The following SPPL2A variants were observed in gnomAD, a reference collection of about 807,000 sequenced individuals.
The protein encoded by SPPL2A is signal peptide peptidase-like 2A.
In SPPL2A, 51 loss-of-function variants were observed where a neutral mutation model predicts 63.8. The ratio of observed to expected loss-of-function variants is 0.80; its 90% CI spans 0.64 to 1.01. The LOEUF (loss-of-function observed/expected upper bound fraction) is 1.01, where lower values mean the gene tolerates loss of function less well. Ranked by LOEUF, SPPL2A falls within the 50% of genes least tolerant of loss-of-function variation. The probability of loss-of-function intolerance (pLI) is 0.00; values close to 1 mark genes in which losing one functional copy is unlikely to be tolerated. For missense variants in SPPL2A, 553 were observed against 622.7 expected, an observed-to-expected ratio of 0.89 and a Z score of 1.19; for synonymous variants, 188 against 205.8, an observed-to-expected ratio of 0.91 and a Z score of 0.74.
At chr15:50,742,713 C>G (rs1382901580) in intron 5 of SPPL2A, 1 of 152,088 alleles carries the variant, frequency 6.6e-6, no homozygotes, top group Non-Finnish European at 1.5e-5. Context: ...CTTTATTTTG[C>G]TCTTAGAATC....
chr15:50,749,954 G>A (rs2414066), intron 1 of SPPL2A: 19,175 of 565,030 alleles, frequency 0.034, 2,971 homozygotes, highest in African/African-American at 0.33. Context: ...CCTTCTTTAA[G>A]GAAGATAGGT....
chr15:50,751,747 T>G lies in SPPL2A; in HGVS notation c.67-2001A>C, dbSNP rs917686626. ...CTAAATTTAATTTCCCATATCATACTAGGGATTACAAAATGGTGAATTTTT... is the reference window on the plus strand; with the variant it reads ...CTAAATTTAATTTCCCATATCATACGAGGGATTACAAAATGGTGAATTTTT... On this transcript the variant is annotated intron_variant, in intron 1 of 14. Coordinates refer to ENST00000261854, the MANE Select transcript of SPPL2A (RefSeq NM_032802.4). Among the ~76,000 whole-genome samples, 4 of 152,224 alleles carry G rather than the reference T, an allele frequency of 2.6e-5. No homozygotes were observed. The East Asian group carries it at 7.7e-4, about 29-fold the overall frequency.
intron 1 of SPPL2A, 167 bp from the exon 2 acceptor site, chr15:50,749,913 A>G (rs1410917415): frequency 3.3e-6 from 2 of 605,762 alleles, no homozygotes; most frequent in East Asian, 2.8e-5. Flanking sequence ...ATGGTTAGGA[A>G]TATTAAAACT....
At chr15:50,713,292 A>T (rs1418235457) in intron 14 of SPPL2A, among the ~76,000 whole-genome samples, 1 of 147,214 alleles carries the variant, frequency 6.8e-6, no homozygotes, top group African/African-American at 2.5e-5. Context: ...TTTGAGATAG[A>T]GTCTTGCTGT....
At chr15:50,754,271 A>T (rs1304749145) in intron 1 of SPPL2A, among the ~76,000 whole-genome samples, 2 of 152,144 alleles carry the variant, frequency 1.3e-5, no homozygotes, top group African/African-American at 4.8e-5. Context: ...CTCCATTGAC[A>T]CATCGTCATC....
intron 1 of SPPL2A, among the ~76,000 whole-genome samples, chr15:50,762,043 G>A (rs1028108060): frequency 6.6e-6 from 1 of 152,044 alleles, no homozygotes; most frequent in Non-Finnish European, 1.5e-5. Context: ...ACCCAGGGTC[G>A]AGGTTGAACT....
chr15:50,752,544 C>A (rs1017976680), intron 1 of SPPL2A, among the ~76,000 whole-genome samples: 1 of 151,978 alleles, frequency 6.6e-6, no homozygotes, highest in African/African-American at 2.4e-5. Flanking sequence ...ATGGTGAAAC[C>A]CTGTCTGTAC....
chr15:50,749,139 A>G (rs545970324), intron 2 of SPPL2A, among the ~76,000 whole-genome samples: 2 of 152,064 alleles, frequency 1.3e-5, no homozygotes, highest in Non-Finnish European at 2.9e-5. Context: ...TCACTTCTTC[A>G]ATATTTTTTC....
intron 13 of SPPL2A, among the ~76,000 whole-genome samples, chr15:50,721,745 C>T (rs1423784028): frequency 1.3e-5 from 2 of 152,010 alleles, no homozygotes; most frequent in Non-Finnish European, 2.9e-5. Flanking sequence ...GCTGGGACTA[C>T]AGGTGCGTGC....
chr15:50,753,911 C>T (rs1030551526), intron 1 of SPPL2A, among the ~76,000 whole-genome samples: 18 of 152,130 alleles, frequency 1.2e-4, no homozygotes, highest in Non-Finnish European at 5.9e-5. Flanking sequence ...ATTGTCCTGC[C>T]TCAGCCTCCT....
At chr15:50,727,870 G>A (rs1359608525) in intron 10 of SPPL2A, among the ~76,000 whole-genome samples, 2 of 152,192 alleles carry the variant, frequency 1.3e-5, no homozygotes, top group Admixed American at 6.5e-5. Context: ...ATCTACAGCA[G>A]TGAACTCCAA....
Position 50,739,778 on chromosome 15 carries a change from T to G in SPPL2A, c.635A>C (p.Lys212Thr). ...TTEDREMRKK[K>T]EEYLTFSPLT... The stretch of plus-strand genomic sequence containing the variant: ...AGGACTAAAAGTTAAATATTCTTCC[T>G]TCTTTTTCCTCATTTCTCTATCTTC... Residue 212 changes from lysine to threonine, a missense_variant, in exon 6 of 15, where the codon AAG becomes ACG. Transcript: ENST00000261854. The G allele has an allele frequency of 6.2e-7, 1 of 1,605,618 alleles. No individual in the cohort carries two copies. The highest frequency in any genetic ancestry group is 1.1e-5 in the South Asian group (1 of 89,734).
chr15:50,748,580 G>T, intron 3 of SPPL2A, 108 bp downstream of exon 3: 1 of 704,584 alleles, frequency 1.4e-6, no homozygotes, highest in South Asian at 2.1e-5. Flanking sequence ...CTTGCCATCA[G>T]ATCATTCAAA....
chr15:50,730,147 T>C (rs1423121457), intron 10 of SPPL2A, among the ~76,000 whole-genome samples: 1 of 152,140 alleles, frequency 6.6e-6, no homozygotes, highest in Non-Finnish European at 1.5e-5. Flanking sequence ...ATTATATTCA[T>C]GAGACAGGAA....
At chr15:50,730,829 A>C (rs2062724348) in intron 10 of SPPL2A, 136 bp downstream of exon 10, 2 of 581,644 alleles carry the variant, frequency 3.4e-6, no homozygotes, top group Non-Finnish European at 6.3e-6. Flanking sequence ...TAAAAGGCCA[A>C]TTTCAATGAC....
chr15:50,753,992 T>A (rs577052672), intron 1 of SPPL2A, among the ~76,000 whole-genome samples: 17 of 152,282 alleles, frequency 1.1e-4, no homozygotes, highest in Non-Finnish European at 2.1e-4. Flanking sequence ...AGACAGGGTT[T>A]CACCATGTTG....
At chr15:50,710,165 A>G (rs1596373583) in intron 14 of SPPL2A, among the ~76,000 whole-genome samples, 1 of 152,182 alleles carries the variant, frequency 6.6e-6, no homozygotes, top group Admixed American at 6.5e-5. Flanking sequence ...TGGATGGTGG[A>G]GAAACCCTCT....
chr15:50,709,853 C>G (rs2062543077), intron 14 of SPPL2A, among the ~76,000 whole-genome samples: 1 of 151,934 alleles, frequency 6.6e-6, no homozygotes, highest in African/African-American at 2.4e-5. Flanking sequence ...CATTTCAAGA[C>G]CCAAAACCAT....
chr15:50,726,616 GA>G (rs962948216), intron 10 of SPPL2A, among the ~76,000 whole-genome samples: 1 of 152,176 alleles, frequency 6.6e-6, no homozygotes, highest in Admixed American at 6.5e-5. Flanking sequence ...ATTGGCAAAT[GA>G]ATCATGTAAA....
Sources: gnomAD v4.1 joint callset for allele counts (sites outside exome capture counted in the v4.1 genomes callset) on GRCh38, gnomAD v4.1.1 for gene constraint, MANE v1.5 for transcripts, NCBI Gene and HGNC (gene_info 2026-07-23, HGNC 2026-07-21) for gene names.